Variants in PTPRN2 observed in about 807,000 individuals in gnomAD.
PTPRN2 encodes receptor-type tyrosine-protein phosphatase N2.
PTPRN2 carries 74 observed loss-of-function variants against 118.8 expected under a neutral mutation model. That is an observed-to-expected ratio of 0.62 (90% confidence interval 0.52 to 0.76). PTPRN2 has a LOEUF of 0.76. Ranked by LOEUF, PTPRN2 falls within the 30% of genes least tolerant of loss-of-function variation. The probability of loss-of-function intolerance (pLI) is 0.00; values close to 1 mark genes in which losing one functional copy is unlikely to be tolerated. For missense variants in PTPRN2, 1,481 were observed against 1,394.4 expected, an observed-to-expected ratio of 1.06 and a Z score of -0.99; for synonymous variants, 641 against 608.0, an observed-to-expected ratio of 1.05 and a Z score of -0.80.
At chr7:158,178,980 T>C (rs896736048) in intron 5 of PTPRN2, among the ~76,000 whole-genome samples, 2 of 152,210 alleles carry the variant, frequency 1.3e-5, no homozygotes, top group Admixed American at 6.5e-5. Context: ...TATCTACAGG[T>C]GCCTTTTTGA....
At position 157,732,298 on chromosome 7, in the gene PTPRN2, C is replaced by T. The variant is rs1428041043; in HGVS notation, c.1789-49361G>A. Reference sequence around the variant, plus strand: ...CACAGTTACCCTTTCCCGTCCCACGCGCCCAGCACAGTTACCCTTTCCCGT... The same window carrying T: ...CACAGTTACCCTTTCCCGTCCCACGTGCCCAGCACAGTTACCCTTTCCCGT... On this transcript the variant is annotated intron_variant, in intron 12 of 22. Transcript: ENST00000389418. Among the ~76,000 whole-genome samples the T allele has an allele frequency of 3.1e-3, 37 of 12,012 alleles. 1 individual carries two copies. The highest frequency in any genetic ancestry group is 9.8e-3 in the South Asian group (1 of 102). 7.9% of individuals were successfully genotyped at this position (12,012 alleles called of 152,430 possible). A position where few individuals can be genotyped will look rare whatever the true frequency, so the allele number is the denominator to read the frequency against.
At position 158,273,319 on chromosome 7, in the gene PTPRN2, C is replaced by G. The variant is rs138302634; in HGVS notation, c.277+43500G>C. On this transcript the variant is annotated intron_variant, in intron 3 of 22. Coordinates refer to ENST00000389418, the MANE Select transcript of PTPRN2 (RefSeq NM_002847.5). ...CAAGCCCACACTGTGAGCTCCTTGC[C>G]TGCTGGGGAGGCCAGGAGATGCAGA... is the stretch of plus-strand genomic sequence containing the variant. Among the ~76,000 whole-genome samples the G allele has an allele frequency of 1.4e-3, 219 of 151,706 alleles. 2 individuals are homozygous for G. The highest frequency in any genetic ancestry group is 5.3e-3 in the African/African-American group (216 of 40,970).
intron 3 of PTPRN2, among the ~76,000 whole-genome samples, chr7:158,252,950 G>A (rs12672419): frequency 0.58 from 87,836 of 151,748 alleles, 25,850 homozygotes; most frequent in Non-Finnish European, 0.64. Context: ...TTGGGCTGGC[G>A]GAGTGAGAGT....
intron 2 of PTPRN2, among the ~76,000 whole-genome samples, chr7:158,398,246 A>G (rs1812678601): frequency 6.6e-6 from 1 of 152,224 alleles, no homozygotes; most frequent in South Asian, 2.1e-4. Context: ...TGTTTTCAAA[A>G]CCAGGGTGGT....
chr7:157,708,716 C>T (rs760560159), intron 12 of PTPRN2, among the ~76,000 whole-genome samples: 4 of 152,158 alleles, frequency 2.6e-5, no homozygotes, highest in African/African-American at 2.4e-5. Context: ...CACATGAAAA[C>T]GCAGCCGTGA....
intron 11 of PTPRN2, among the ~76,000 whole-genome samples, chr7:157,940,690 TGCAAATCTAACGCCCCCCC>T (rs1472327315): frequency 8.2e-6 from 1 of 122,262 alleles, no homozygotes; most frequent in Non-Finnish European, 1.6e-5. Context: ...CCGAAGACAC[TGCAAATCTAACGCCCCCCC>T]GTGACACTGC....
chr7:158,365,091 T>C (rs558676817), intron 2 of PTPRN2, among the ~76,000 whole-genome samples: 1 of 152,334 alleles, frequency 6.6e-6, no homozygotes, highest in East Asian at 1.9e-4. Flanking sequence ...CACACTATTT[T>C]AATAAATAGC....
chr7:158,167,397 G>T, intron 5 of PTPRN2, 106 bp from the exon 6 acceptor site: 1 of 1,399,088 alleles, frequency 7.1e-7, no homozygotes, highest in African/African-American at 1.4e-5. Flanking sequence ...AACAGCCCTG[G>T]GGGTACAAAG....
At chr7:157,704,664 C>G (rs1798239757) in intron 12 of PTPRN2, among the ~76,000 whole-genome samples, 1 of 152,196 alleles carries the variant, frequency 6.6e-6, no homozygotes, top group Non-Finnish European at 1.5e-5. Context: ...TTCTTTCCTT[C>G]TCAGCACCTC....
intron 12 of PTPRN2, among the ~76,000 whole-genome samples, chr7:157,752,137 A>T (rs1801507023): frequency 6.6e-6 from 1 of 152,218 alleles, no homozygotes; most frequent in Non-Finnish European, 1.5e-5. Flanking sequence ...GGGGCTCTTC[A>T]GAGCCCACCT....
At chr7:158,336,741 AC>A (rs1347410665) in intron 2 of PTPRN2, among the ~76,000 whole-genome samples, 5 of 109,676 alleles carry the variant, frequency 4.6e-5, no homozygotes, top group East Asian at 2.9e-4. Context: ...ACGCCCGCAG[AC>A]GTCACTCACA....
intron 2 of PTPRN2, among the ~76,000 whole-genome samples, chr7:158,441,898 C>G (rs376974377): frequency 7.1e-4 from 35 of 48,998 alleles, no homozygotes; most frequent in South Asian, 1.9e-3. Context: ...TAGTGATGGT[C>G]ATGGCAGTGG....
At chr7:158,325,359 AT>A (rs2151127125) in intron 2 of PTPRN2, among the ~76,000 whole-genome samples, 1 of 40,056 alleles carries the variant, frequency 2.5e-5, no homozygotes, top group East Asian at 5.5e-4. Context: ...ACTTTTACTT[AT>A]ATGTCTTTTT....
intron 2 of PTPRN2, among the ~76,000 whole-genome samples, chr7:158,468,521 G>A (rs538528928): frequency 3.9e-5 from 6 of 151,954 alleles, no homozygotes; most frequent in Admixed American, 6.5e-5. Flanking sequence ...ATTCACTGGC[G>A]CCAGTTTATG....
chr7:157,728,969 G>C (rs1047720784), intron 12 of PTPRN2, among the ~76,000 whole-genome samples: 1 of 152,168 alleles, frequency 6.6e-6, no homozygotes, highest in Non-Finnish European at 1.5e-5. Flanking sequence ...CGAGGGAGAC[G>C]GCGCTGACCC....
intron 3 of PTPRN2, among the ~76,000 whole-genome samples, chr7:158,267,189 C>T (rs1797942443): frequency 6.6e-6 from 1 of 152,204 alleles, no homozygotes. Context: ...CAGGAAGGAG[C>T]CAGTCAGGAA....
At chr7:157,932,837 A>G (rs1443075098) in intron 11 of PTPRN2, among the ~76,000 whole-genome samples, 1 of 150,126 alleles carries the variant, frequency 6.7e-6, no homozygotes, top group East Asian at 2.0e-4. Context: ...TGACATTTAT[A>G]GAGTAAGGGT....
intron 12 of PTPRN2, among the ~76,000 whole-genome samples, chr7:157,696,644 T>A (rs867350316): frequency 3.8e-4 from 46 of 119,574 alleles, no homozygotes; most frequent in African/African-American, 1.2e-3. Context: ...TGGGTCTTAG[T>A]AGAGCCCTCA....
At chr7:157,616,022 T>C in intron 15 of PTPRN2, 1 of 189,506 alleles carries the variant, frequency 5.3e-6, no homozygotes, top group Non-Finnish European at 1.1e-5. Flanking sequence ...GGGTAGGTCT[T>C]CCAAGTCACG....
Sources: allele counts gnomAD v4.1 joint callset (sites outside exome capture counted in the v4.1 genomes callset), GRCh38; gene constraint gnomAD v4.1.1; transcripts MANE v1.5; gene names NCBI Gene and HGNC (gene_info 2026-07-23, HGNC 2026-07-21).